The following NOSTRIN variants were observed in gnomAD, a reference collection of about 807,000 sequenced individuals.
The protein encoded by NOSTRIN is BM247 homolog.
A neutral mutation model predicts 59.0 loss-of-function variants in NOSTRIN; 63 were observed. That is an observed-to-expected ratio of 1.07 (90% CI 0.87 to 1.32). The LOEUF is 1.32. Ranked by LOEUF, NOSTRIN falls within the 40% of genes most tolerant of loss-of-function variation. The pLI, the probability that NOSTRIN is intolerant of heterozygous loss-of-function variation, is 0.00. For missense variants in NOSTRIN, 512 were observed against 473.1 expected, an observed-to-expected ratio of 1.08 and a Z score of -0.76; for synonymous variants, 200 against 165.4, an observed-to-expected ratio of 1.21 and a Z score of -1.61.
intron 2 of NOSTRIN, among the ~76,000 whole-genome samples, chr2:168,819,591 A>G (rs534502854): frequency 3.3e-5 from 5 of 152,326 alleles, no homozygotes; most frequent in African/African-American, 1.2e-4. Flanking sequence ...AAGAGTGCAC[A>G]GTGACACTGT....
chr2:168,814,848 T>C (rs1442313297), intron 2 of NOSTRIN, among the ~76,000 whole-genome samples: 1 of 152,234 alleles, frequency 6.6e-6, no homozygotes, highest in Non-Finnish European at 1.5e-5. Context: ...GGAGGATTGC[T>C]TGAGGCCAGG....
Position 168,865,239 on chromosome 2 carries a change from C to T in NOSTRIN, c.*269C>T. 1 of 345,466 alleles carries T rather than the reference C, an allele frequency of 2.9e-6. No individual in the cohort carries two copies. Among genetic ancestry groups the T allele is most frequent in the Non-Finnish European group, 5.3e-6 (1 of 189,394 alleles). The allele number at this position is 345,466 out of a possible 1,614,324, so 21.4% of individuals were successfully genotyped here. ...CCCTAGAGATGATCCAGTATAACCC[C>T]TGGTGTCACAGAAACAGACGGAGTC... On this transcript the variant is annotated 3_prime_UTR_variant, in exon 16 of 16. Transcript: ENST00000317647.
chr2:168,849,566 G>T (rs1253829503), intron 8 of NOSTRIN, among the ~76,000 whole-genome samples: 1 of 151,452 alleles, frequency 6.6e-6, no homozygotes, highest in Non-Finnish European at 1.5e-5. Flanking sequence ...ACGTTGGGCA[G>T]GCTGGCCTTG....
intron 7 of NOSTRIN, among the ~76,000 whole-genome samples, chr2:168,838,896 G>T (rs1354563713): frequency 2.0e-5 from 3 of 147,218 alleles, no homozygotes; most frequent in African/African-American, 7.6e-5. Context: ...CAACAATTCT[G>T]CCTTAGCCTC....
At chr2:168,834,366 G>C (rs768222859) in intron 7 of NOSTRIN, 41 bp downstream of exon 7, 1 of 858,370 alleles carries the variant, frequency 1.2e-6, no homozygotes, top group African/African-American at 1.6e-5. Flanking sequence ...GCCATAGAGA[G>C]GGATGGACTT....
chr2:168,820,491 A>G (rs1001345793), intron 2 of NOSTRIN, among the ~76,000 whole-genome samples: 1 of 152,168 alleles, frequency 6.6e-6, no homozygotes, highest in African/African-American at 2.4e-5. Context: ...TCAGGAGACC[A>G]CTGTCTGGAC....
At position 168,832,532 on chromosome 2, in the gene NOSTRIN, G is replaced by A. The variant is rs188445132; in HGVS notation, c.405+998G>A. Among the ~76,000 whole-genome samples, 66 of 152,136 alleles carry A rather than the reference G, an allele frequency of 4.3e-4. No homozygotes were observed. The East Asian group carries it at 7.3e-3, about 17-fold the overall frequency. On this transcript the variant is annotated intron_variant, in intron 6 of 15. Coordinates refer to ENST00000317647, the MANE Select transcript of NOSTRIN (RefSeq NM_001039724.4). ...TGATGCCAAATAACTAGAGACAGAC[G>A]CACTCAGAGACAGGCAAACTTGGTG...
chr2:168,808,236 G>A (rs1399786379), intron 1 of NOSTRIN, among the ~76,000 whole-genome samples: 1 of 152,200 alleles, frequency 6.6e-6, no homozygotes. Flanking sequence ...CCCATTCCAC[G>A]CTTGATGTCC....
chr2:168,864,801 C>CAGAG, intron 15 of NOSTRIN, 33 bp from the exon 16 acceptor site: 2 of 1,612,450 alleles, frequency 1.2e-6, no homozygotes, highest in Non-Finnish European at 8.5e-7. Flanking sequence ...GTTCACATCA[C>CAGAG]AGAGACCCAT....
intron 1 of NOSTRIN, among the ~76,000 whole-genome samples, chr2:168,806,977 A>T (rs898398718): frequency 1.3e-5 from 2 of 152,202 alleles, no homozygotes; most frequent in Admixed American, 6.5e-5. Flanking sequence ...CCATTTATAA[A>T]TGTATTTGTT....
chr2:168,808,993 A>G lies in NOSTRIN; in HGVS notation c.28-2574A>G, dbSNP rs555361451. Among the ~76,000 whole-genome samples, 4 of 152,288 alleles carry G rather than the reference A, an allele frequency of 2.6e-5. No homozygotes were observed. The South Asian group carries it at 8.3e-4, about 32-fold the overall frequency. ...TAGTGAGTACATAATGTGTATTATT[A>G]TTTTCTGTATCATTATGTTATGAAA... On this transcript the variant is annotated intron_variant, in intron 1 of 15. Transcript: ENST00000317647.
upstream of NOSTRIN, among the ~76,000 whole-genome samples, chr2:168,796,868 C>G (rs1412653118): frequency 6.6e-6 from 1 of 152,026 alleles, no homozygotes; most frequent in Non-Finnish European, 1.5e-5. Flanking sequence ...AGGATATGGG[C>G]CTACCCGTAA....
At chr2:168,839,487 G>A (rs1446349535) in intron 7 of NOSTRIN, among the ~76,000 whole-genome samples, 2 of 152,066 alleles carry the variant, frequency 1.3e-5, no homozygotes, top group Middle Eastern at 3.2e-3. Flanking sequence ...CATGACACAC[G>A]GAAGGCCCTC....
intron 2 of NOSTRIN, among the ~76,000 whole-genome samples, chr2:168,789,317 T>C (rs1319081692): frequency 6.6e-6 from 1 of 152,218 alleles, no homozygotes; most frequent in Admixed American, 6.5e-5. Flanking sequence ...GGAAAGAGGT[T>C]TAATAGGCTC....
rs16856022 is a variant in NOSTRIN, at chr2:168,834,762, A to G, written c.504+437A>G. On this transcript the variant is annotated intron_variant, in intron 7 of 15. Coordinates refer to ENST00000317647, the MANE Select transcript of NOSTRIN (RefSeq NM_001039724.4). ...GACCAATGATGCCCACATTTTTTTAAAGGAAACTCTATTAATATCTTAAAA... is the reference window on the plus strand; with the variant it reads ...GACCAATGATGCCCACATTTTTTTAGAGGAAACTCTATTAATATCTTAAAA... 7.3e-3 allele frequency among the ~76,000 whole-genome samples: 1,113 copies of G among 152,110 alleles called. 51 individuals carry two copies. In the East Asian group the frequency reaches 0.11, roughly 15 times the overall value.
At chr2:168,815,957 C>T (rs1321355537) in intron 2 of NOSTRIN, among the ~76,000 whole-genome samples, 1 of 152,192 alleles carries the variant, frequency 6.6e-6, no homozygotes, top group African/African-American at 2.4e-5. Context: ...CAACTCATGA[C>T]CAAGACCATA....
At chr2:168,833,421 A>C (rs1687483527) in intron 6 of NOSTRIN, among the ~76,000 whole-genome samples, 1 of 152,150 alleles carries the variant, frequency 6.6e-6, no homozygotes, top group Non-Finnish European at 1.5e-5. Flanking sequence ...AGGAAGAGAG[A>C]CCTCTCCTTT....
At chr2:168,839,889 A>AAAAAAAAAG (rs1201694814) in intron 7 of NOSTRIN, among the ~76,000 whole-genome samples, 4 of 46,174 alleles carry the variant, frequency 8.7e-5, no homozygotes, top group African/African-American at 4.5e-4. Flanking sequence ...CGTCTCAAAA[A>AAAAAAAAAG]AAAAAAAAAA....
chr2:168,811,332 G>A (rs1015495879), intron 1 of NOSTRIN: 1 of 269,014 alleles, frequency 3.7e-6, no homozygotes, highest in Admixed American at 5.5e-5. Flanking sequence ...GCCAAGGGGA[G>A]AAATAGATCA....
Sources: allele counts gnomAD v4.1 joint callset (sites outside exome capture counted in the v4.1 genomes callset), GRCh38; gene constraint gnomAD v4.1.1; transcripts MANE v1.5; gene names NCBI Gene and HGNC (gene_info 2026-07-23, HGNC 2026-07-21).